SLC30A9: variants seen among roughly 807,000 people sequenced by gnomAD.
SLC30A9 encodes proton-coupled zinc antiporter SLC30A9, mitochondrial.
In SLC30A9, 58 loss-of-function variants were observed where a neutral mutation model predicts 87.5. The ratio of observed to expected loss-of-function variants is 0.66; its 90% confidence interval spans 0.54 to 0.82. The LOEUF is 0.82. SLC30A9 is among the 40% of genes least tolerant of loss of function. The pLI is 0.00. For missense variants in SLC30A9, 557 were observed against 679.1 expected, an observed-to-expected ratio of 0.82 and a Z score of 2.00; for synonymous variants, 234 against 233.0, an observed-to-expected ratio of 1.00 and a Z score of -0.04.
intron 1 of SLC30A9, among the ~76,000 whole-genome samples, chr4:41,998,316 C>T (rs1714812792): frequency 6.6e-6 from 1 of 152,132 alleles, no homozygotes; most frequent in Admixed American, 6.5e-5. Context: ...TAAGGAAGTT[C>T]TTGTCCAGGC....
At chr4:42,030,016 T>C in intron 6 of SLC30A9, 1 of 879,830 alleles carries the variant, frequency 1.1e-6, no homozygotes, top group African/African-American at 1.6e-5. Flanking sequence ...AACCTTACCA[T>C]GGACACTGAA....
At chr4:42,062,912 G>T (rs1717920994) in intron 10 of SLC30A9, 74 bp from the exon 11 acceptor site, 4 of 1,215,200 alleles carry the variant, frequency 3.3e-6, no homozygotes, top group South Asian at 1.6e-5. Flanking sequence ...CTTTTTCATT[G>T]ACCTATTAAG....
At chr4:42,070,495 A>G in intron 14 of SLC30A9, 31 bp from the exon 15 acceptor site, 1 of 1,579,368 alleles carries the variant, frequency 6.3e-7, no homozygotes, top group Non-Finnish European at 8.7e-7. Context: ...TAAACTGTTA[A>G]TTTACTGATT....
At chr4:42,005,387 G>A (rs1715159606) in intron 2 of SLC30A9, among the ~76,000 whole-genome samples, 1 of 152,166 alleles carries the variant, frequency 6.6e-6, no homozygotes, top group South Asian at 2.1e-4. Context: ...TCACTTGTCT[G>A]TAGGATTTTC....
At chr4:42,008,638 G>A (rs577171505) in intron 2 of SLC30A9, among the ~76,000 whole-genome samples, 2 of 152,332 alleles carry the variant, frequency 1.3e-5, no homozygotes, top group African/African-American at 4.8e-5. Flanking sequence ...GGTAGAAGAG[G>A]AGCCTGCAAA....
intron 9 of SLC30A9, among the ~76,000 whole-genome samples, chr4:42,059,809 G>A (rs1253215407): frequency 6.6e-6 from 1 of 152,012 alleles, no homozygotes; most frequent in African/African-American, 2.4e-5. Context: ...TTCCTAACTT[G>A]CTTTTTTCTC....
At chr4:42,007,125 G>C (rs1049084821) in intron 2 of SLC30A9, among the ~76,000 whole-genome samples, 1 of 152,112 alleles carries the variant, frequency 6.6e-6, no homozygotes, top group Non-Finnish European at 1.5e-5. Context: ...TGAAGGTCTG[G>C]AGTAGGGTAA....
At position 42,001,680 on chromosome 4, in the gene SLC30A9, T is replaced by C. The variant is rs755026582; in HGVS notation, c.174T>C (p.Ile58=). 5 of 1,608,690 alleles carry C rather than the reference T, an allele frequency of 3.1e-6. No individual in the cohort carries two copies. Among genetic ancestry groups the C allele is most frequent in the Non-Finnish European group, 4.3e-6 (5 of 1,175,630 alleles). ...SNMVPCSHPY[I]GTLSQVKLYS... is the part of the protein sequence containing the mutation. ...TGGTTCCCTGTAGTCATCCATATAT[T>C]GGTACCCTGAGTCAAGTAAAGTTGT... The change falls in exon 2 of 18, where the codon ATT becomes ATC. Residue 58 remains isoleucine, a synonymous_variant. Coordinates refer to ENST00000264451, the MANE Select transcript of SLC30A9 (RefSeq NM_006345.4).
intron 1 of SLC30A9, among the ~76,000 whole-genome samples, chr4:42,000,239 A>AC (rs919303337): frequency 2.6e-5 from 4 of 151,694 alleles, no homozygotes; most frequent in Non-Finnish European, 5.9e-5. Flanking sequence ...TGTATGAAAA[A>AC]AAAGTTAGTG....
At chr4:42,071,351 A>T (rs1560559500) in intron 15 of SLC30A9, among the ~76,000 whole-genome samples, 2 of 152,084 alleles carry the variant, frequency 1.3e-5, no homozygotes, top group African/African-American at 4.8e-5. Flanking sequence ...TTAAAATAAG[A>T]TTTTTTTGTG....
chr4:42,042,840 T>C (rs1716979463), intron 8 of SLC30A9, among the ~76,000 whole-genome samples: 1 of 152,150 alleles, frequency 6.6e-6, no homozygotes, highest in African/African-American at 2.4e-5. Flanking sequence ...AGCTGACATC[T>C]GGCAGGTGCT....
In SLC30A9 at chr4:42,065,315, T is replaced by C; in HGVS notation, c.1038T>C (p.Tyr346=). Residue 346 remains tyrosine (Y), a synonymous_variant, in exon 12 of 18, where the codon TAT becomes TAC. Coordinates refer to ENST00000264451, the MANE Select transcript of SLC30A9 (RefSeq NM_006345.4). ...TTTTAATATTTCTTTTCTAGGCATA[T>C]TGTATTTTAGCAGGATCATTAGTAT... ...PQPIESLLWA[Y]CILAGSLVSE... is the part of the protein sequence containing the mutation. 7.4e-7 allele frequency: 1 copy of C among 1,349,038 alleles called. No homozygotes were observed. Among genetic ancestry groups the C allele is most frequent in the Non-Finnish European group, 1.1e-6 (1 of 941,696 alleles). The allele number at this position is 1,349,038 out of a possible 1,614,324, so 83.6% of individuals were successfully genotyped here.
At chr4:41,993,651 T>C (rs1216775397) in intron 1 of SLC30A9, among the ~76,000 whole-genome samples, 1 of 152,162 alleles carries the variant, frequency 6.6e-6, no homozygotes, top group Non-Finnish European at 1.5e-5. Context: ...TAACTACTGA[T>C]TGAAAACATA....
At chr4:42,053,471 A>T (rs970748688) in intron 9 of SLC30A9, among the ~76,000 whole-genome samples, 1 of 152,062 alleles carries the variant, frequency 6.6e-6, no homozygotes. Context: ...CAGGCAGATC[A>T]TCTGAGGTCA....
At chr4:42,072,834 A>C (rs1423608466) in intron 15 of SLC30A9, among the ~76,000 whole-genome samples, 2 of 92,492 alleles carry the variant, frequency 2.2e-5, no homozygotes, top group African/African-American at 4.2e-5. Flanking sequence ...TTTTTTTTAG[A>C]TGGAGTTTTG....
chr4:42,051,258 A>G (rs1481521862), intron 9 of SLC30A9, among the ~76,000 whole-genome samples: 4 of 152,218 alleles, frequency 2.6e-5, no homozygotes, highest in Non-Finnish European at 4.4e-5. Context: ...AAAGTTCTAA[A>G]GGATCAAGCT....
intron 16 of SLC30A9, among the ~76,000 whole-genome samples, chr4:42,076,855 G>C (rs563792344): frequency 6.6e-6 from 1 of 151,648 alleles, no homozygotes; most frequent in South Asian, 2.1e-4. Flanking sequence ...CCAGCTACTC[G>C]GCAGGCTGAG....
At position 42,060,264 on chromosome 4, in the gene SLC30A9, TTTTG is replaced by T. The variant is rs1717791096; in HGVS notation, c.896+22_896+25del. Reference sequence around the variant, plus strand: ...TCTCATCCGTAAGGACATTGCCTTATTTTGTTTTTGTTTGTTTTGGCGATAAGTC... The same window carrying T: ...TCTCATCCGTAAGGACATTGCCTTATTTTTTGTTTGTTTTGGCGATAAGTC... On this transcript the variant is annotated intron_variant, in intron 10 of 17. Coordinates refer to ENST00000264451, the MANE Select transcript of SLC30A9 (RefSeq NM_006345.4). The T allele has an allele frequency of 1.3e-6, 2 of 1,596,180 alleles. No homozygotes were observed. The highest frequency in any genetic ancestry group is 2.7e-5 in the African/African-American group (2 of 74,710).
chr4:42,075,066 T>G, intron 15 of SLC30A9, among the ~76,000 whole-genome samples: 1 of 73,708 alleles, frequency 1.4e-5, no homozygotes, highest in Non-Finnish European at 2.6e-5. Flanking sequence ...TATATTTTTT[T>G]TTTTTTTTTT....
Sources: allele counts gnomAD v4.1 joint callset (sites outside exome capture counted in the v4.1 genomes callset), GRCh38; gene constraint gnomAD v4.1.1; transcripts MANE v1.5; gene names NCBI Gene and HGNC (gene_info 2026-07-23, HGNC 2026-07-21).